Variants in BRDT observed in about 807,000 individuals in gnomAD.
The protein encoded by BRDT is bromodomain testis associated.
A neutral mutation model predicts 113.9 loss-of-function variants in BRDT; 77 were observed. The observed-to-expected ratio is 0.68, with a 90% CI of 0.56 to 0.82. BRDT has a LOEUF of 0.82. Among genes scored for constraint, BRDT ranks in the 40% least tolerant of loss-of-function variants. The pLI, the probability that BRDT is intolerant of heterozygous loss-of-function variation, is 0.00. For missense variants in BRDT, 1,027 were observed against 1,105.4 expected (o/e 0.93, Z 1.01); for synonymous variants, 358 against 366.5 (o/e 0.98, Z 0.26).
chr1:91,961,284 C>T (rs1166489288), intron 1 of BRDT, among the ~76,000 whole-genome samples: 2 of 152,102 alleles, frequency 1.3e-5, no homozygotes, highest in Non-Finnish European at 2.9e-5. Flanking sequence ...GCACTCCAGT[C>T]TGGGCGGTAG....
At chr1:92,012,465 A>G (rs1038174275) in intron 18 of BRDT, among the ~76,000 whole-genome samples, 1 of 152,354 alleles carries the variant, frequency 6.6e-6, no homozygotes, top group South Asian at 2.1e-4. Flanking sequence ...TACATATTCT[A>G]CAAATTTTGC....
At chr1:92,008,135 C>G (rs193116184) in intron 18 of BRDT, among the ~76,000 whole-genome samples, 122 of 152,266 alleles carry the variant, frequency 8.0e-4, no homozygotes, top group African/African-American at 2.9e-3. Context: ...CCAGGCTAGT[C>G]TCGAACTCCT....
chr1:92,001,226 C>A (rs1044047235), intron 15 of BRDT, among the ~76,000 whole-genome samples: 2 of 152,162 alleles, frequency 1.3e-5, no homozygotes, highest in African/African-American at 4.8e-5. Flanking sequence ...AGGCTGGGCG[C>A]GTAATACCTG....
intron 4 of BRDT, among the ~76,000 whole-genome samples, chr1:91,972,155 T>A (rs1030460628): frequency 1.3e-5 from 2 of 152,196 alleles, no homozygotes; most frequent in African/African-American, 4.8e-5. Context: ...GTTTTTCTAT[T>A]CTCATTTTAT....
intron 7 of BRDT, among the ~76,000 whole-genome samples, chr1:91,978,824 C>T (rs771366013): frequency 2.3e-4 from 35 of 151,788 alleles, no homozygotes; most frequent in Non-Finnish European, 3.1e-4. Flanking sequence ...CATGATGAAA[C>T]CCCGTCTCTA....
At chr1:91,964,787 T>C in intron 3 of BRDT, 23 bp downstream of exon 3, 1 of 1,373,182 alleles carries the variant, frequency 7.3e-7, no homozygotes, top group East Asian at 2.4e-5. Flanking sequence ...TATGTTATAC[T>C]TGCTAATTCT....
At chr1:92,001,150 T>C (rs1317320672) in intron 15 of BRDT, among the ~76,000 whole-genome samples, 1 of 152,184 alleles carries the variant, frequency 6.6e-6, no homozygotes, top group Non-Finnish European at 1.5e-5. Context: ...CTGCTCTTCC[T>C]AAATGAGTTA....
chr1:91,989,727 C>T (rs1685599544), intron 12 of BRDT, among the ~76,000 whole-genome samples: 1 of 151,012 alleles, frequency 6.6e-6, no homozygotes, highest in Admixed American at 6.6e-5. Context: ...CTGTCTCCTT[C>T]TCTTCCTCCT....
intron 3 of BRDT, among the ~76,000 whole-genome samples, chr1:91,966,188 A>C (rs1557813536): frequency 6.6e-6 from 1 of 152,104 alleles, no homozygotes; most frequent in Non-Finnish European, 1.5e-5. Flanking sequence ...CATTTCCTAC[A>C]GTACTGTATC....
chr1:92,001,385 CCA>C (rs1363947222), intron 15 of BRDT, among the ~76,000 whole-genome samples: 3 of 152,126 alleles, frequency 2.0e-5, no homozygotes, highest in Non-Finnish European at 4.4e-5. Flanking sequence ...TTTGTCCTCT[CCA>C]AAACTCATGT....
chr1:91,976,118 A>G, intron 4 of BRDT, 148 bp from the exon 5 acceptor site: 1 of 744,318 alleles, frequency 1.3e-6, no homozygotes, highest in Non-Finnish European at 2.0e-6. Flanking sequence ...AACCTGTCTA[A>G]TCCTGTGTGT....
chr1:91,991,298 G>T (rs1396317649), intron 13 of BRDT, 53 bp downstream of exon 13: 4 of 1,009,232 alleles, frequency 4.0e-6, no homozygotes, highest in East Asian at 2.6e-5. Context: ...ATAACTCATG[G>T]GTATAGTAGT....
chr1:91,993,491 T>C (rs1164826740), intron 14 of BRDT, among the ~76,000 whole-genome samples: 1 of 152,178 alleles, frequency 6.6e-6, no homozygotes, highest in Admixed American at 6.5e-5. Context: ...AAAAACCATA[T>C]AAAGGACTTA....
At chr1:91,950,786 A>C (rs1239748542) in intron 1 of BRDT, 1 of 139,864 alleles carries the variant, frequency 7.1e-6, no homozygotes, top group Admixed American at 7.9e-5. Context: ...AGCACTTAGG[A>C]GGCCGAGGCG....
intron 1 of BRDT, among the ~76,000 whole-genome samples, chr1:91,962,502 T>A (rs1026452903): frequency 6.6e-6 from 1 of 152,026 alleles, no homozygotes; most frequent in Non-Finnish European, 1.5e-5. Flanking sequence ...TCTGGCTAAT[T>A]TTTGTATTTT....
intron 4 of BRDT, among the ~76,000 whole-genome samples, chr1:91,974,496 G>A (rs1315999548): frequency 1.3e-5 from 2 of 152,184 alleles, no homozygotes; most frequent in Non-Finnish European, 2.9e-5. Context: ...CTTCTCAAAA[G>A]AAGACATTTA....
chr1:92,011,661 A>G (rs1313984325), intron 18 of BRDT, among the ~76,000 whole-genome samples: 2 of 152,198 alleles, frequency 1.3e-5, no homozygotes, highest in African/African-American at 4.8e-5. Context: ...ACAACTAGGT[A>G]ACCTGATAAA....
intron 15 of BRDT, among the ~76,000 whole-genome samples, chr1:91,997,450 C>T (rs933809263): frequency 3.3e-5 from 5 of 152,080 alleles, no homozygotes; most frequent in African/African-American, 1.2e-4. Flanking sequence ...CATTTGAAGG[C>T]TCATTATAAA....
At chr1:91,975,290 T>A (rs1356387251) in intron 4 of BRDT, among the ~76,000 whole-genome samples, 1 of 150,342 alleles carries the variant, frequency 6.7e-6, no homozygotes. Context: ...ATAAAAAAAA[T>A]TTTAAAAAAA....
Sources: gnomAD v4.1 joint callset for allele counts (sites outside exome capture counted in the v4.1 genomes callset) on GRCh38, gnomAD v4.1.1 for gene constraint, MANE v1.5 for transcripts, NCBI Gene and HGNC (gene_info 2026-07-23, HGNC 2026-07-21) for gene names.